SORBS2: variants seen among roughly 807,000 people sequenced by gnomAD.
SORBS2 encodes the protein sorbin and SH3 domain-containing protein 2.
A neutral mutation model predicts 97.7 loss-of-function variants in SORBS2; 46 were observed. The observed-to-expected ratio is 0.47, with a 90% CI of 0.37 to 0.60. The LOEUF is 0.60. Among genes scored for constraint, SORBS2 ranks in the 20% least tolerant of loss-of-function variants. SORBS2 has a pLI of 0.00. For synonymous variants in SORBS2, 476 were observed against 473.4 expected (o/e 1.01, Z -0.07); for missense variants, 1,316 against 1,282.3 (o/e 1.03, Z -0.40).
intron 2 of SORBS2, among the ~76,000 whole-genome samples, chr4:185,686,145 G>A (rs576177250): frequency 4.1e-4 from 62 of 151,812 alleles, no homozygotes; most frequent in Non-Finnish European, 2.2e-4. Flanking sequence ...TATAACCACC[G>A]ATATAATAAT....
chr4:185,895,207 G>A (rs2149813191), intron 1 of SORBS2, among the ~76,000 whole-genome samples: 1 of 152,356 alleles, frequency 6.6e-6, no homozygotes, highest in South Asian at 2.1e-4. Context: ...AAGCCCTGAT[G>A]CCACTGAAGC....
intron 1 of SORBS2, among the ~76,000 whole-genome samples, chr4:185,798,214 T>C (rs1217801875): frequency 1.3e-5 from 2 of 152,206 alleles, no homozygotes; most frequent in African/African-American, 4.8e-5. Context: ...ATCCATTCAA[T>C]CCTCCCACCA....
intron 1 of SORBS2, among the ~76,000 whole-genome samples, chr4:185,947,697 G>A (rs1036827207): frequency 3.9e-5 from 6 of 151,992 alleles, no homozygotes; most frequent in African/African-American, 1.2e-4. Flanking sequence ...TGCAACCTCC[G>A]CCTCCTGGGC....
chr4:185,667,080 G>A (rs1280474528), intron 4 of SORBS2, among the ~76,000 whole-genome samples: 1 of 152,174 alleles, frequency 6.6e-6, no homozygotes, highest in African/African-American at 2.4e-5. Context: ...CAAATAGGAT[G>A]ATAAGTACTC....
In SORBS2 at chr4:185,752,435, C is replaced by T. The variant is rs375018153; in HGVS notation, c.-198+22792G>A. ...GGACTACAGGCGCCCGCCACCACAC[C>T]CAGCTAATTTTTTGTATTTTTTAGT... On this transcript the variant is annotated intron_variant, in intron 2 of 20. Transcript: ENST00000284776. 1.9e-3 allele frequency among the ~76,000 whole-genome samples: 288 copies of T among 152,226 alleles called. 1 individual carries two copies. The highest frequency in any genetic ancestry group is 6.4e-3 in the African/African-American group (266 of 41,544).
At chr4:185,766,179 AC>A (rs1235838383) in intron 2 of SORBS2, among the ~76,000 whole-genome samples, 3 of 152,176 alleles carry the variant, frequency 2.0e-5, no homozygotes, top group African/African-American at 7.2e-5. Context: ...TTGAATTTGC[AC>A]TGAACCTCCA....
At chr4:185,945,031 G>A (rs557116670) in intron 1 of SORBS2, among the ~76,000 whole-genome samples, 2 of 152,294 alleles carry the variant, frequency 1.3e-5, no homozygotes, top group South Asian at 4.1e-4. Context: ...AGGAACTTTT[G>A]GAGCTTATGA....
exon 3 of SORBS2, chr4:185,649,490 T>C (rs1042343223): frequency 1.3e-6 from 2 of 1,587,820 alleles, no homozygotes; most frequent in Non-Finnish European, 1.7e-6. Context: ...ACCGATCTCT[T>C]GGTCGAAGCG....
chr4:185,717,852 T>C (rs1224765927), intron 2 of SORBS2, among the ~76,000 whole-genome samples: 4 of 152,162 alleles, frequency 2.6e-5, no homozygotes, highest in Admixed American at 2.6e-4. Flanking sequence ...CTGGGGTGAG[T>C]TACTTTCTCT....
rs560026419 is a variant in SORBS2, at chr4:185,598,813, T to A, written c.2797-4878A>T. On this transcript the variant is annotated intron_variant, in intron 12 of 14. Coordinates refer to ENST00000418609, the Ensembl canonical transcript of SORBS2. ...TTTGCATAAATCTAAAAAAATAGAATATTTATGGTTCACACAAACACACGT... is the reference window on the plus strand; with the variant it reads ...TTTGCATAAATCTAAAAAAATAGAAAATTTATGGTTCACACAAACACACGT... Among the ~76,000 whole-genome samples the A allele has an allele frequency of 5.3e-5, 8 of 152,210 alleles. 1 individual carries two copies. In the South Asian group the frequency reaches 1.7e-3, roughly 32 times the overall value.
chr4:185,685,780 C>G (rs1329793061), intron 2 of SORBS2, among the ~76,000 whole-genome samples: 2 of 152,206 alleles, frequency 1.3e-5, no homozygotes, highest in East Asian at 3.8e-4. Flanking sequence ...GCCTCGGCCT[C>G]CCATTACAAG....
chr4:185,770,570 G>A (rs1457146786), intron 2 of SORBS2, among the ~76,000 whole-genome samples: 3 of 152,126 alleles, frequency 2.0e-5, no homozygotes, highest in Non-Finnish European at 2.9e-5. Flanking sequence ...GTTGGAGAAT[G>A]CAGACTTCTA....
intron 2 of SORBS2, among the ~76,000 whole-genome samples, chr4:185,764,400 T>G (rs912156561): frequency 1.3e-5 from 2 of 152,202 alleles, no homozygotes; most frequent in Non-Finnish European, 2.9e-5. Context: ...AATATCAGAT[T>G]TATAACAATG....
chr4:185,910,027 A>G (rs1263044878), intron 1 of SORBS2, among the ~76,000 whole-genome samples: 1 of 151,786 alleles, frequency 6.6e-6, no homozygotes, highest in Middle Eastern at 3.2e-3. Flanking sequence ...ATTCCCTTCA[A>G]TGTCATGCCT....
chr4:185,651,712 A>G lies in SORBS2; in HGVS notation c.91+950T>C, dbSNP rs1056568034. On this transcript the variant is annotated intron_variant, in intron 2 of 14. Transcript: ENST00000418609. ...ATGTGCTCAAACAGAAGGGGAAAAAAGGTGACCGTGTCGTTCTTCCAAACA... is the reference window on the plus strand; with the variant it reads ...ATGTGCTCAAACAGAAGGGGAAAAAGGGTGACCGTGTCGTTCTTCCAAACA... The G allele has an allele frequency of 1.8e-5, 15 of 847,500 alleles. No homozygotes were observed. The African/African-American group carries it at 2.5e-4, about 14-fold the overall frequency. 52.5% of individuals were successfully genotyped at this position (847,500 alleles called of 1,614,324 possible). A position where few individuals can be genotyped will look rare whatever the true frequency, so the allele number is the denominator to read the frequency against.
intron 2 of SORBS2, among the ~76,000 whole-genome samples, chr4:185,708,823 G>C (rs1331357420): frequency 6.6e-6 from 1 of 152,190 alleles, no homozygotes; most frequent in Non-Finnish European, 1.5e-5. Flanking sequence ...GCCTTTCCAA[G>C]ATCCAAATAA....
chr4:185,758,217 C>T (rs997812656), intron 2 of SORBS2, among the ~76,000 whole-genome samples: 3 of 152,134 alleles, frequency 2.0e-5, no homozygotes, highest in African/African-American at 4.8e-5. Flanking sequence ...AAATATCATG[C>T]GAAAGACTTT....
intron 1 of SORBS2, among the ~76,000 whole-genome samples, chr4:185,817,974 C>T (rs573960568): frequency 5.9e-5 from 9 of 152,192 alleles, no homozygotes; most frequent in East Asian, 3.9e-4. Context: ...TAGGATCCAA[C>T]GGTCCAACAA....
At chr4:185,692,032 T>C (rs2098108183) in intron 2 of SORBS2, among the ~76,000 whole-genome samples, 1 of 152,232 alleles carries the variant, frequency 6.6e-6, no homozygotes, top group African/African-American at 2.4e-5. Context: ...AAATATTGTG[T>C]ATCGTTTTAT....
Sources: gnomAD v4.1 joint callset for allele counts (sites outside exome capture counted in the v4.1 genomes callset) on GRCh38, gnomAD v4.1.1 for gene constraint, MANE v1.5 for transcripts, NCBI Gene and HGNC (gene_info 2026-07-23, HGNC 2026-07-21) for gene names.